STXBP6: variants seen among roughly 807,000 people sequenced by gnomAD.
STXBP6 encodes the protein syntaxin binding protein 6, also known as syntaxin-binding protein 6.
Under a neutral mutation model 26.9 loss-of-function variants are expected in STXBP6, and 21 were observed. The observed-to-expected ratio is 0.78, with a 90% CI of 0.55 to 1.12. The LOEUF (loss-of-function observed/expected upper bound fraction) is 1.12, where lower values mean the gene tolerates loss of function less well. STXBP6 is among the 50% of genes most tolerant of loss of function. STXBP6 has a pLI of 0.00. For synonymous variants in STXBP6, 97 were observed against 92.6 expected (o/e 1.05, Z -0.27); for missense variants, 232 against 257.9 (o/e 0.90, Z 0.69).
chr14:25,033,328 A>C (rs934387527), intron 1 of STXBP6, among the ~76,000 whole-genome samples: 1 of 152,124 alleles, frequency 6.6e-6, no homozygotes, highest in African/African-American at 2.4e-5. Context: ...CCCTGGTCAG[A>C]CTATCATCAT....
At chr14:24,890,237 A>C (rs1241629) in intron 2 of STXBP6, among the ~76,000 whole-genome samples, 55,610 of 152,144 alleles carry the variant, frequency 0.37, 10,391 homozygotes, top group East Asian at 0.43. Context: ...GAAAGAAGTA[A>C]AGTCAAATCT....
intron 2 of STXBP6, among the ~76,000 whole-genome samples, chr14:24,883,959 G>C (rs1463613157): frequency 1.3e-5 from 2 of 151,930 alleles, no homozygotes; most frequent in African/African-American, 4.8e-5. Context: ...TTAAACATAG[G>C]GGACAACTAA....
intron 1 of STXBP6, among the ~76,000 whole-genome samples, chr14:24,990,813 A>G (rs1298486299): frequency 2.6e-5 from 4 of 151,800 alleles, no homozygotes; most frequent in Non-Finnish European, 4.4e-5. Flanking sequence ...CACAAAGAAA[A>G]CTGGTCTGTA....
At chr14:24,818,324 C>T (rs1284047259) in intron 5 of STXBP6, among the ~76,000 whole-genome samples, 2 of 152,156 alleles carry the variant, frequency 1.3e-5, no homozygotes, top group African/African-American at 2.4e-5. Context: ...TAGCTGGCTG[C>T]CAATAAAAAC....
chr14:24,896,773 C>T (rs925673300), intron 2 of STXBP6, among the ~76,000 whole-genome samples: 1 of 152,012 alleles, frequency 6.6e-6, no homozygotes, highest in African/African-American at 2.4e-5. Context: ...AAAAGCTGGG[C>T]TAGGAATGAG....
intron 1 of STXBP6, among the ~76,000 whole-genome samples, chr14:24,976,172 A>G (rs1277638049): frequency 6.6e-6 from 1 of 152,240 alleles, no homozygotes; most frequent in Non-Finnish European, 1.5e-5. Context: ...TGCTAACTAC[A>G]TCAGAGGTTT....
At chr14:24,880,342 A>G (rs2070311045) in intron 2 of STXBP6, among the ~76,000 whole-genome samples, 1 of 152,218 alleles carries the variant, frequency 6.6e-6, no homozygotes, top group African/African-American at 2.4e-5. Context: ...AAAATTTTCC[A>G]GAGAATGGAA....
At chr14:25,015,162 T>C (rs934630530) in intron 1 of STXBP6, among the ~76,000 whole-genome samples, 2 of 152,206 alleles carry the variant, frequency 1.3e-5, no homozygotes, top group African/African-American at 4.8e-5. Flanking sequence ...CTTATTTACA[T>C]TGGGGAAGGG....
At chr14:24,962,018 C>G (rs2073557404) in intron 2 of STXBP6, among the ~76,000 whole-genome samples, 1 of 152,082 alleles carries the variant, frequency 6.6e-6, no homozygotes, top group Non-Finnish European at 1.5e-5. Context: ...CTAACTGAAC[C>G]AGACCAAATG....
At chr14:25,012,249 G>T (rs1410571108) in intron 1 of STXBP6, among the ~76,000 whole-genome samples, 1 of 152,220 alleles carries the variant, frequency 6.6e-6, no homozygotes, top group African/African-American at 2.4e-5. Flanking sequence ...TCTCAAGTTT[G>T]TTGGTCTTAG....
chr14:24,934,369 G>A (rs1306450976), intron 2 of STXBP6, among the ~76,000 whole-genome samples: 1 of 152,208 alleles, frequency 6.6e-6, no homozygotes, highest in Non-Finnish European at 1.5e-5. Flanking sequence ...AGTGACAGAA[G>A]TCAGTAAAAC....
chr14:24,857,781 G>A (rs1170421152), intron 2 of STXBP6, among the ~76,000 whole-genome samples: 1 of 151,806 alleles, frequency 6.6e-6, no homozygotes, highest in Non-Finnish European at 1.5e-5. Flanking sequence ...GTAGGAAAAG[G>A]ACAATTTCTT....
intron 5 of STXBP6, chr14:24,816,869 C>G (rs1297042887): frequency 6.6e-6 from 1 of 152,124 alleles, no homozygotes; most frequent in Non-Finnish European, 1.5e-5. Flanking sequence ...TATCAATTCT[C>G]CAATCCCTCT....
At chr14:24,990,659 C>CA (rs1211659589) in intron 1 of STXBP6, among the ~76,000 whole-genome samples, 5,418 of 57,098 alleles carry the variant, frequency 0.095, 961 homozygotes, top group African/African-American at 0.31. Context: ...AACTCCATCT[C>CA]AAAAAAAAAA....
intron 1 of STXBP6, among the ~76,000 whole-genome samples, chr14:25,042,324 G>C (rs2075656332): frequency 1.3e-5 from 2 of 152,220 alleles, no homozygotes; most frequent in African/African-American, 4.8e-5. Flanking sequence ...AGCCAGCCGG[G>C]ATTAGTGCCA....
intron 1 of STXBP6, among the ~76,000 whole-genome samples, chr14:25,033,514 A>T (rs1308663154): frequency 6.6e-6 from 1 of 152,072 alleles, no homozygotes; most frequent in Non-Finnish European, 1.5e-5. Flanking sequence ...TCTCATACCC[A>T]TTATCCTCCA....
intron 1 of STXBP6, among the ~76,000 whole-genome samples, chr14:25,012,885 C>G (rs1252895499): frequency 6.6e-6 from 1 of 152,092 alleles, no homozygotes; most frequent in Non-Finnish European, 1.5e-5. Flanking sequence ...GGAGACCACA[C>G]AAAGGGATTC....
chr14:24,961,151 A>G (rs1595195741), intron 2 of STXBP6, among the ~76,000 whole-genome samples: 2 of 152,204 alleles, frequency 1.3e-5, no homozygotes, highest in East Asian at 1.9e-4. Flanking sequence ...TTATGCAGCT[A>G]TAAAACTAAC....
At chr14:24,822,835 T>C (rs2068175736) in intron 4 of STXBP6, among the ~76,000 whole-genome samples, 1 of 152,232 alleles carries the variant, frequency 6.6e-6, no homozygotes, top group Non-Finnish European at 1.5e-5. Flanking sequence ...TATCCTGCTA[T>C]ATGTAGCACA....
Sources: gnomAD v4.1 joint callset for allele counts (sites outside exome capture counted in the v4.1 genomes callset) on GRCh38, gnomAD v4.1.1 for gene constraint, MANE v1.5 for transcripts, NCBI Gene and HGNC (gene_info 2026-07-23, HGNC 2026-07-21) for gene names.